Variants in SNRK observed in about 807,000 individuals in gnomAD.
SNRK encodes the protein SNF-related serine/threonine-protein kinase.
SNRK carries 3 observed loss-of-function variants against 48.2 expected under a neutral mutation model. That is an observed-to-expected ratio of 0.06 (90% confidence interval 0.03 to 0.16). The LOEUF (loss-of-function observed/expected upper bound fraction) is 0.16, where lower values mean the gene tolerates loss of function less well. Among genes scored for constraint, SNRK ranks in the 10% least tolerant of loss-of-function variants. The pLI, the probability that SNRK is intolerant of heterozygous loss-of-function variation, is 1.00. For synonymous variants in SNRK, 376 were observed against 366.1 expected (o/e 1.03, Z -0.31); for missense variants, 627 against 976.0 (o/e 0.64, Z 4.76).
intron 4 of SNRK, among the ~76,000 whole-genome samples, chr3:43,336,597 G>T (rs2091190916): frequency 6.6e-6 from 1 of 152,124 alleles, no homozygotes; most frequent in African/African-American, 2.4e-5. Context: ...CTCCCGAAGT[G>T]CTGGGATTAT....
At chr3:43,311,739 C>T (rs897306005) in intron 3 of SNRK, among the ~76,000 whole-genome samples, 2 of 152,068 alleles carry the variant, frequency 1.3e-5, no homozygotes, top group African/African-American at 4.8e-5. Flanking sequence ...TCTGAGTGAC[C>T]AGGCTCTGCT....
chr3:43,307,028 TATAC>T, intron 3 of SNRK, among the ~76,000 whole-genome samples: 1 of 152,208 alleles, frequency 6.6e-6, no homozygotes, highest in Non-Finnish European at 1.5e-5. Context: ...TTGGAGTTTT[TATAC>T]ATACTTAAGA....
chr3:43,330,400 C>T (rs1251208138), intron 3 of SNRK, among the ~76,000 whole-genome samples: 1 of 152,140 alleles, frequency 6.6e-6, no homozygotes, highest in Non-Finnish European at 1.5e-5. Context: ...ATGAAGTGCA[C>T]ATTGCAATAA....
intron 3 of SNRK, among the ~76,000 whole-genome samples, chr3:43,314,424 G>A (rs1157237468): frequency 6.6e-6 from 1 of 152,070 alleles, no homozygotes; most frequent in Non-Finnish European, 1.5e-5. Context: ...ATTCTTTATA[G>A]CTATTAACTT....
chr3:43,336,457 G>T (rs1183276242), intron 4 of SNRK, among the ~76,000 whole-genome samples: 2 of 151,966 alleles, frequency 1.3e-5, no homozygotes, highest in Non-Finnish European at 2.9e-5. Flanking sequence ...TCAGTCTCCT[G>T]AGTAGCTAGG....
chr3:43,323,298 G>A (rs1253265200), intron 3 of SNRK, among the ~76,000 whole-genome samples: 1 of 152,122 alleles, frequency 6.6e-6, no homozygotes, highest in Non-Finnish European at 1.5e-5. Flanking sequence ...AGTACCAAGA[G>A]CATGATCCAA....
At chr3:43,316,922 G>A (rs761568999) in intron 3 of SNRK, among the ~76,000 whole-genome samples, 4 of 151,978 alleles carry the variant, frequency 2.6e-5, no homozygotes, top group African/African-American at 7.3e-5. Context: ...TTACCACACC[G>A]CCTCATTCCA....
chr3:43,292,913 T>C (rs2125612395), intron 1 of SNRK, among the ~76,000 whole-genome samples: 1 of 152,344 alleles, frequency 6.6e-6, no homozygotes, highest in South Asian at 2.1e-4. Flanking sequence ...TGCAGGTTTG[T>C]TACATAGATA....
At chr3:43,328,677 C>T (rs1374560785) in intron 3 of SNRK, among the ~76,000 whole-genome samples, 5 of 152,194 alleles carry the variant, frequency 3.3e-5, no homozygotes, top group Non-Finnish European at 7.3e-5. Flanking sequence ...TGAATCATCA[C>T]CTTTTTTTAA....
At chr3:43,325,363 C>A (rs547497653) in intron 3 of SNRK, among the ~76,000 whole-genome samples, 4 of 152,178 alleles carry the variant, frequency 2.6e-5, no homozygotes, top group African/African-American at 9.6e-5. Context: ...GACAGGATTT[C>A]ACTGTGTTAG....
At chr3:43,291,129 G>C (rs1336597513) in intron 1 of SNRK, among the ~76,000 whole-genome samples, 2 of 152,100 alleles carry the variant, frequency 1.3e-5, no homozygotes, top group Non-Finnish European at 2.9e-5. Flanking sequence ...AGAAATTGAT[G>C]AATTATATGG....
chr3:43,335,405 T>C (rs540957106), intron 4 of SNRK, among the ~76,000 whole-genome samples: 2 of 152,350 alleles, frequency 1.3e-5, no homozygotes, highest in South Asian at 2.1e-4. Context: ...TATTGATTTC[T>C]AACTTAATTG....
At chr3:43,319,582 C>T (rs2125631209) in intron 3 of SNRK, among the ~76,000 whole-genome samples, 1 of 152,284 alleles carries the variant, frequency 6.6e-6, no homozygotes, top group South Asian at 2.1e-4. Flanking sequence ...GGTGCCAAGC[C>T]TGCCTCACTC....
rs748810945 is a variant in SNRK at position 43,343,486 on chromosome 3, A to G, written c.1079+8A>G. 1.9e-6 allele frequency: 3 copies of G among 1,606,014 alleles called. No individual in the cohort carries two copies. Among genetic ancestry groups the G allele is most frequent in the African/African-American group, 1.3e-5 (1 of 74,192 alleles). On this transcript the variant is annotated splice_region_variant and intron_variant, in intron 6 of 6. Transcript: ENST00000296088. ...TATCAAGGCCCAGTTTAGGTGAGAAAAAAATCTTCACTGATTTTAGTAAGT... is the reference window on the plus strand; with the variant it reads ...TATCAAGGCCCAGTTTAGGTGAGAAGAAAATCTTCACTGATTTTAGTAAGT...
At chr3:43,318,673 G>C (rs1162768771) in intron 3 of SNRK, among the ~76,000 whole-genome samples, 1 of 151,878 alleles carries the variant, frequency 6.6e-6, no homozygotes, top group African/African-American at 2.4e-5. Context: ...TGTGTTATTC[G>C]CATTGCATGT....
At chr3:43,333,663 A>AT (rs1309055888) in intron 4 of SNRK, among the ~76,000 whole-genome samples, 1 of 152,140 alleles carries the variant, frequency 6.6e-6, no homozygotes, top group Non-Finnish European at 1.5e-5. Context: ...GCATGTTGTA[A>AT]TTCAAGGAGT....
rs540689823 is a variant in SNRK at position 43,303,746 on chromosome 3, C to A, written c.543C>A (p.Ser181=). The part of the protein sequence containing the change: ...LTTSCGSLAY[S]APEILLGDEY... ...CAAGCTGTGGATCTCTTGCATATTCCGCTCCAGAAATTCTGCTTGGTGATG... is the reference window on the plus strand; with the variant it reads ...CAAGCTGTGGATCTCTTGCATATTCAGCTCCAGAAATTCTGCTTGGTGATG... Residue 181 remains serine (S), a synonymous_variant, in exon 3 of 7, where the codon TCC becomes TCA. Transcript: ENST00000296088. The surrounding 1 kb of genome is among the most constrained non-coding windows in gnomAD (Gnocchi z 6.2). 2 of 1,613,740 alleles carry A rather than the reference C, an allele frequency of 1.2e-6. No individual in the cohort carries two copies. Among genetic ancestry groups the A allele is most frequent in the Admixed American group, 1.7e-5 (1 of 59,998 alleles).
chr3:43,328,128 A>G (rs2091109538), intron 3 of SNRK, among the ~76,000 whole-genome samples: 1 of 152,110 alleles, frequency 6.6e-6, no homozygotes, highest in Admixed American at 6.5e-5. Context: ...TGGATCTTTA[A>G]TATGAAGAGA....
At chr3:43,343,617 C>A in intron 6 of SNRK, 139 bp downstream of exon 6, 1 of 915,712 alleles carries the variant, frequency 1.1e-6, no homozygotes, top group Non-Finnish European at 1.6e-6. Context: ...AGAGGCCACA[C>A]ACGGGCTCTT....
Sources: gnomAD v4.1 joint callset for allele counts (sites outside exome capture counted in the v4.1 genomes callset) on GRCh38, gnomAD v4.1.1 for gene constraint, Gnocchi (gnomAD v3.1) non-coding constraint, MANE v1.5 for transcripts, NCBI Gene and HGNC (gene_info 2026-07-23, HGNC 2026-07-21) for gene names.